PTPRT: variants seen among roughly 807,000 people sequenced by gnomAD.
PTPRT encodes the protein receptor-type tyrosine-protein phosphatase T.
A neutral mutation model predicts 176.8 loss-of-function variants in PTPRT; 56 were observed. The ratio of observed to expected loss-of-function variants is 0.32; its 90% CI spans 0.26 to 0.40. The LOEUF is 0.40. PTPRT is among the 10% of genes least tolerant of loss of function. The probability of loss-of-function intolerance (pLI) is 1.00; values close to 1 mark genes in which losing one functional copy is unlikely to be tolerated. For synonymous variants in PTPRT, 783 were observed against 739.0 expected (o/e 1.06, Z -0.96); for missense variants, 1,540 against 1,908.2 (o/e 0.81, Z 3.60).
At chr20:42,345,972 A>G (rs192609030) in intron 11 of PTPRT, among the ~76,000 whole-genome samples, 44 of 152,300 alleles carry the variant, frequency 2.9e-4, no homozygotes, top group Non-Finnish European at 4.6e-4. Context: ...TTTAAGCAGG[A>G]AAGTTAACTT....
chr20:42,081,112 C>T (rs1044148769), intron 30 of PTPRT, among the ~76,000 whole-genome samples, 180 bp from the exon 31 acceptor site: 7 of 152,150 alleles, frequency 4.6e-5, no homozygotes, highest in African/African-American at 1.7e-4. Flanking sequence ...CTGCTTGATG[C>T]CTGCTTCTAC....
chr20:43,065,299 G>T (rs562865056), intron 1 of PTPRT, among the ~76,000 whole-genome samples: 4 of 152,146 alleles, frequency 2.6e-5, no homozygotes, highest in East Asian at 3.8e-4. Flanking sequence ...AGAGTCTTCC[G>T]TAGTCAAGGG....
intron 7 of PTPRT, among the ~76,000 whole-genome samples, chr20:42,538,146 A>AAAACAAATACACATCTGCTTAC (rs1196198545): frequency 1.3e-5 from 2 of 152,040 alleles, no homozygotes; most frequent in Admixed American, 6.5e-5. Flanking sequence ...AAAAAAAAAC[A>AAAACAAATACACATCTGCTTAC]AAACAAATAC....
chr20:42,716,172 A>T (rs2076219702), intron 6 of PTPRT, among the ~76,000 whole-genome samples: 1 of 152,188 alleles, frequency 6.6e-6, no homozygotes, highest in Non-Finnish European at 1.5e-5. Context: ...ATGCTCTGCT[A>T]AATAGCTCGG....
chr20:42,353,952 G>A (rs2058323269), intron 9 of PTPRT, among the ~76,000 whole-genome samples: 2 of 152,096 alleles, frequency 1.3e-5, no homozygotes, highest in South Asian at 2.1e-4. Context: ...CTATTCAGGG[G>A]CTGAGGTGGG....
At chr20:42,171,695 C>T (rs904794862) in intron 16 of PTPRT, among the ~76,000 whole-genome samples, 1 of 151,996 alleles carries the variant, frequency 6.6e-6, no homozygotes, top group South Asian at 2.1e-4. Flanking sequence ...CAAAAGAAAA[C>T]CCTGACTTCT....
chr20:42,224,282 T>C (rs1321912124), intron 15 of PTPRT, among the ~76,000 whole-genome samples: 2 of 152,196 alleles, frequency 1.3e-5, no homozygotes, highest in Non-Finnish European at 2.9e-5. Flanking sequence ...TCATGAGTAG[T>C]GATTGTTGCA....
Position 42,081,855 on chromosome 20 carries a change from T to G in PTPRT, c.4272+27A>C, listed in dbSNP as rs776161306. ...CAAGGGAACTAGTCAGCCCTGGCTGTTGGAGAACAGTCCTTGGGATACTCA... is the reference window on the plus strand; with the variant it reads ...CAAGGGAACTAGTCAGCCCTGGCTGGTGGAGAACAGTCCTTGGGATACTCA... On this transcript the variant is annotated intron_variant, in intron 30 of 30. Transcript: ENST00000373187. 3 of 1,613,354 alleles carry G rather than the reference T, an allele frequency of 1.9e-6. No individual in the cohort carries two copies. The Admixed American group carries it at 5.0e-5, about 27-fold the overall frequency.
intron 9 of PTPRT, among the ~76,000 whole-genome samples, chr20:42,422,303 C>T (rs1399103697): frequency 6.6e-6 from 1 of 152,128 alleles, no homozygotes; most frequent in African/African-American, 2.4e-5. Flanking sequence ...TCAAACTATG[C>T]ATCTGACAAA....
intron 2 of PTPRT, among the ~76,000 whole-genome samples, chr20:42,861,295 A>G (rs1167608209): frequency 6.6e-6 from 1 of 152,142 alleles, no homozygotes; most frequent in Non-Finnish European, 1.5e-5. Flanking sequence ...TTCTGATCCA[A>G]TCTCTATTTC....
chr20:43,114,303 G>A (rs892228459), intron 1 of PTPRT, among the ~76,000 whole-genome samples: 9 of 152,034 alleles, frequency 5.9e-5, no homozygotes, highest in African/African-American at 1.9e-4. Context: ...TTTAGAAAAC[G>A]AATTCTGAAG....
chr20:43,062,925 G>A (rs1010424469), intron 1 of PTPRT, among the ~76,000 whole-genome samples: 3 of 152,126 alleles, frequency 2.0e-5, no homozygotes, highest in Admixed American at 2.0e-4. Flanking sequence ...GGGTCAGCAT[G>A]GCAAATTTCA....
At chr20:42,935,814 A>T (rs968823896) in intron 1 of PTPRT, among the ~76,000 whole-genome samples, 30 of 152,162 alleles carry the variant, frequency 2.0e-4, no homozygotes, top group African/African-American at 7.2e-4. Flanking sequence ...CAATGGCGCG[A>T]TCTTGGCTCA....
At chr20:43,110,493 G>A (rs6016959) in intron 1 of PTPRT, among the ~76,000 whole-genome samples, 1,603 of 152,266 alleles carry the variant, frequency 0.011, 29 homozygotes, top group African/African-American at 0.037. Flanking sequence ...GTTAACAGAG[G>A]TTACCTTTGG....
At chr20:42,607,113 T>C (rs543028642) in intron 7 of PTPRT, among the ~76,000 whole-genome samples, 1 of 152,336 alleles carries the variant, frequency 6.6e-6, no homozygotes, top group East Asian at 1.9e-4. Flanking sequence ...TATATAATTC[T>C]ACTTACATGA....
At chr20:42,927,208 A>C (rs1042179023) in intron 1 of PTPRT, among the ~76,000 whole-genome samples, 1 of 152,208 alleles carries the variant, frequency 6.6e-6, no homozygotes, top group Non-Finnish European at 1.5e-5. Context: ...CCACTGCCTC[A>C]TAAGTTAATG....
intron 2 of PTPRT, among the ~76,000 whole-genome samples, chr20:42,849,235 G>T (rs1264940327): frequency 6.6e-6 from 1 of 152,170 alleles, no homozygotes; most frequent in African/African-American, 2.4e-5. Context: ...CAAGGGGTAA[G>T]TGGAATTTGC....
intron 1 of PTPRT, among the ~76,000 whole-genome samples, chr20:43,129,158 T>C (rs1195647706): frequency 1.3e-5 from 2 of 152,186 alleles, no homozygotes; most frequent in Admixed American, 6.5e-5. Context: ...AGCCTGACTC[T>C]GCCCAAGGGG....
At chr20:42,686,237 C>G (rs2075689022) in intron 6 of PTPRT, 1 of 152,238 alleles carries the variant, frequency 6.6e-6, no homozygotes, top group Non-Finnish European at 1.5e-5. Flanking sequence ...ACCGCCTGCT[C>G]TGTGGCTACA....
Sources: allele counts gnomAD v4.1 joint callset (sites outside exome capture counted in the v4.1 genomes callset), GRCh38; gene constraint gnomAD v4.1.1; transcripts MANE v1.5; gene names NCBI Gene and HGNC (gene_info 2026-07-23, HGNC 2026-07-21).